EEF1AKMT1: variants seen among roughly 807,000 people sequenced by gnomAD.
The protein encoded by EEF1AKMT1 is N-6 adenine-specific DNA methyltransferase 2 (putative).
EEF1AKMT1 carries 18 observed loss-of-function variants against 21.0 expected under a neutral mutation model. The observed-to-expected ratio is 0.86, with a 90% CI of 0.59 to 1.27. EEF1AKMT1 has a LOEUF of 1.27. Ranked by LOEUF, EEF1AKMT1 falls within the 50% of genes most tolerant of loss-of-function variation. EEF1AKMT1 has a pLI of 0.00. For synonymous variants in EEF1AKMT1, 109 were observed against 94.8 expected, an observed-to-expected ratio of 1.15 and a Z score of -0.87; for missense variants, 246 against 258.6, an observed-to-expected ratio of 0.95 and a Z score of 0.33.
intron 2 of EEF1AKMT1, among the ~76,000 whole-genome samples, chr13:20,745,875 A>G (rs2058901171): frequency 6.6e-6 from 1 of 152,234 alleles, no homozygotes; most frequent in East Asian, 1.9e-4. Context: ...AAATAAAAAT[A>G]AAACAAGATG....
At chr13:20,753,660 A>C (rs146534012) in intron 2 of EEF1AKMT1, among the ~76,000 whole-genome samples, 6 of 152,286 alleles carry the variant, frequency 3.9e-5, no homozygotes, top group African/African-American at 1.4e-4. Context: ...TCCCTTTATC[A>C]TTATATGATA....
intron 4 of EEF1AKMT1, among the ~76,000 whole-genome samples, chr13:20,731,283 T>C (rs1000894204): frequency 6.6e-6 from 1 of 152,208 alleles, no homozygotes; most frequent in Non-Finnish European, 1.5e-5. Flanking sequence ...AGATTTACTC[T>C]ATTGAATTTT....
At chr13:20,755,512 C>A (rs1376289096) in intron 2 of EEF1AKMT1, among the ~76,000 whole-genome samples, 1 of 152,244 alleles carries the variant, frequency 6.6e-6, no homozygotes, top group Non-Finnish European at 1.5e-5. Flanking sequence ...CTCACTTAGC[C>A]TTTCCCCACA....
At chr13:20,744,252 A>G (rs564570920) in intron 2 of EEF1AKMT1, among the ~76,000 whole-genome samples, 25 of 152,308 alleles carry the variant, frequency 1.6e-4, no homozygotes, top group African/African-American at 6.0e-4. Flanking sequence ...GCCTTGAGGA[A>G]TCGCCACACT....
rs534152476 is a variant in EEF1AKMT1, at chr13:20,730,005, G to A, written c.509-789C>T. 2.0e-5 allele frequency among the ~76,000 whole-genome samples: 3 copies of A among 152,362 alleles called. No homozygotes were observed. The East Asian group carries it at 5.8e-4, about 29-fold the overall frequency. ...TGCCCACGGTCCCCTGTTAGGCACTGGGGGCCTCCTGCCCCGACTCTGCCC... is the reference window on the plus strand; with the variant it reads ...TGCCCACGGTCCCCTGTTAGGCACTAGGGGCCTCCTGCCCCGACTCTGCCC... On this transcript the variant is annotated intron_variant, in intron 4 of 4. Coordinates refer to ENST00000382758, the MANE Select transcript of EEF1AKMT1 (RefSeq NM_001318939.2).
chr13:20,729,355 G>T, intron 4 of EEF1AKMT1, 139 bp from the exon 5 acceptor site: 4 of 926,678 alleles, frequency 4.3e-6, no homozygotes, highest in Non-Finnish European at 4.9e-6. Flanking sequence ...GGGAGCGAGT[G>T]TTCTTTACAT....
chr13:20,754,564 G>T (rs931295309), intron 2 of EEF1AKMT1, among the ~76,000 whole-genome samples: 3 of 152,086 alleles, frequency 2.0e-5, no homozygotes, highest in Non-Finnish European at 2.9e-5. Flanking sequence ...ATTATTCCAT[G>T]AAATAGGTTT....
intron 4 of EEF1AKMT1, 85 bp from the exon 5 acceptor site, chr13:20,729,301 C>G: frequency 4.6e-6 from 7 of 1,508,284 alleles, no homozygotes; most frequent in Non-Finnish European, 6.3e-6. Context: ...GGGCTCTAGG[C>G]GGACCACCGG....
intron 1 of EEF1AKMT1, among the ~76,000 whole-genome samples, chr13:20,772,491 C>T (rs768870793): frequency 9.2e-5 from 14 of 152,104 alleles, no homozygotes; most frequent in Non-Finnish European, 1.5e-4. Context: ...GACAGCCCTC[C>T]ACATTAAAGA....
chr13:20,766,354 T>C (rs991683881), intron 1 of EEF1AKMT1, among the ~76,000 whole-genome samples: 1 of 143,724 alleles, frequency 7.0e-6, no homozygotes, highest in African/African-American at 2.6e-5. Context: ...AAACATGTAA[T>C]AGAAAAAATT....
intron 1 of EEF1AKMT1, among the ~76,000 whole-genome samples, chr13:20,764,463 A>G (rs917963218): frequency 6.6e-6 from 1 of 152,200 alleles, no homozygotes; most frequent in African/African-American, 2.4e-5. Context: ...ATACTTGAAA[A>G]CAATGTGTAT....
intron 4 of EEF1AKMT1, among the ~76,000 whole-genome samples, chr13:20,729,513 A>C (rs867459941): frequency 9.9e-5 from 15 of 151,796 alleles, no homozygotes; most frequent in African/African-American, 3.6e-4. Flanking sequence ...CACACGTACT[A>C]TATATATATA....
intron 1 of EEF1AKMT1, among the ~76,000 whole-genome samples, chr13:20,761,141 T>C (rs7982221): frequency 0.38 from 57,129 of 152,074 alleles, 12,620 homozygotes; most frequent in Non-Finnish European, 0.5. Context: ...TATATAATGA[T>C]ATCACGTGTA....
At chr13:20,754,051 T>C (rs2058957780) in intron 2 of EEF1AKMT1, among the ~76,000 whole-genome samples, 1 of 152,142 alleles carries the variant, frequency 6.6e-6, no homozygotes, top group Non-Finnish European at 1.5e-5. Flanking sequence ...TGGTTTTCTG[T>C]GTTTGCTTTA....
chr13:20,746,161 T>A (rs2058902885), intron 2 of EEF1AKMT1, among the ~76,000 whole-genome samples: 1 of 152,032 alleles, frequency 6.6e-6, no homozygotes, highest in Non-Finnish European at 1.5e-5. Context: ...ATCCATTATT[T>A]TTTTTTTTTA....
rs142966110 is a variant in EEF1AKMT1, at chr13:20,732,015, C to T, written c.334G>A (p.Gly112Arg). 2 of 1,614,192 alleles carry T rather than the reference C, an allele frequency of 1.2e-6. No homozygotes were observed. The highest frequency in any genetic ancestry group is 2.7e-5 in the African/African-American group (2 of 75,032). ...TAATCATAGAAAATAAACTCCTCTC[C>T]ATACATGGCAAATCTTTTGTCATAT... The part of the protein sequence containing the change: ...FEYDKRFAMY[G>R]EEFIFYDYNN... The change falls in exon 4 of 5, where the codon GGA (glycine) becomes AGA (arginine). Residue 112 changes from glycine (G) to arginine (R), a missense_variant. Physicochemically the swap from Gly to Arg is moderately radical, Grantham distance 125. Transcript: ENST00000382758.
chr13:20,736,441 T>C (rs992089264), intron 3 of EEF1AKMT1, among the ~76,000 whole-genome samples: 60 of 152,126 alleles, frequency 3.9e-4, no homozygotes, highest in Non-Finnish European at 6.6e-4. Flanking sequence ...TATGCCACCA[T>C]GGTAAGGCTG....
At chr13:20,738,605 A>G (rs2058841950) in intron 2 of EEF1AKMT1, among the ~76,000 whole-genome samples, 1 of 152,196 alleles carries the variant, frequency 6.6e-6, no homozygotes, top group Non-Finnish European at 1.5e-5. Context: ...CAACTAATGG[A>G]TAGAAAAAAT....
At chr13:20,744,115 T>C (rs1159097275) in intron 2 of EEF1AKMT1, among the ~76,000 whole-genome samples, 1 of 152,214 alleles carries the variant, frequency 6.6e-6, no homozygotes, top group Non-Finnish European at 1.5e-5. Context: ...TTTGGGTTGG[T>C]TCCAAGTCTT....
Sources: allele counts gnomAD v4.1 joint callset (sites outside exome capture counted in the v4.1 genomes callset), GRCh38; gene constraint gnomAD v4.1.1; transcripts MANE v1.5; gene names NCBI Gene and HGNC (gene_info 2026-07-23, HGNC 2026-07-21).